The following SPAG17 variants were observed in gnomAD, a reference collection of about 807,000 sequenced individuals.
SPAG17 encodes the protein sperm associated antigen 17, also known as sperm-associated antigen 17.
A neutral mutation model predicts 273.6 loss-of-function variants in SPAG17; 169 were observed. That is an observed-to-expected ratio of 0.62 (90% CI 0.55 to 0.70). The LOEUF is 0.70. Among genes scored for constraint, SPAG17 ranks in the 30% least tolerant of loss-of-function variants. The pLI is 0.00. For synonymous variants in SPAG17, 825 were observed against 873.2 expected (o/e 0.94, Z 0.97); for missense variants, 2,557 against 2,627.8 (o/e 0.97, Z 0.59).
intron 24 of SPAG17, 154 bp downstream of exon 24, chr1:118,036,616 A>T (rs763957243): frequency 1.2e-4 from 73 of 599,030 alleles, no homozygotes; most frequent in Non-Finnish European, 2.0e-4. Flanking sequence ...ACACACACAC[A>T]CACACACACC....
chr1:118,150,733 C>A, intron 2 of SPAG17, 104 bp from the exon 3 acceptor site: 2 of 627,634 alleles, frequency 3.2e-6, no homozygotes, highest in South Asian at 4.8e-5. Flanking sequence ...GGTTGGGGAA[C>A]CTAGCAAGAA....
intron 5 of SPAG17, 134 bp downstream of exon 5, chr1:118,101,606 G>A (rs1209343641): frequency 1.2e-6 from 1 of 834,442 alleles, no homozygotes; most frequent in African/African-American, 1.7e-5. Flanking sequence ...AGTGTCTCTA[G>A]GGCAAAATGA....
chr1:117,970,912 A>C (rs753292944), intron 45 of SPAG17, among the ~76,000 whole-genome samples: 20 of 152,220 alleles, frequency 1.3e-4, no homozygotes, highest in Non-Finnish European at 2.1e-4. Context: ...ACAACCTAAA[A>C]AACAATCGTG....
At chr1:118,006,475 A>G (rs1557897179) in intron 31 of SPAG17, among the ~76,000 whole-genome samples, 1 of 152,052 alleles carries the variant, frequency 6.6e-6, no homozygotes, top group Admixed American at 6.5e-5. Context: ...GCTATATCAG[A>G]TTTTCTTTAT....
intron 1 of SPAG17, among the ~76,000 whole-genome samples, chr1:118,179,392 A>G (rs954102845): frequency 2.6e-5 from 4 of 152,100 alleles, no homozygotes; most frequent in South Asian, 2.1e-4. Flanking sequence ...ATCCATATGC[A>G]GAAGAATGAA....
intron 29 of SPAG17, 124 bp downstream of exon 29, chr1:118,015,837 CCCAT>C: frequency 8.7e-6 from 7 of 802,406 alleles, no homozygotes; most frequent in East Asian, 2.7e-5. Flanking sequence ...CATCCATCCA[CCCAT>C]CCATCCATCC....
At chr1:118,015,327 G>C (rs938445515) in intron 29 of SPAG17, among the ~76,000 whole-genome samples, 1 of 151,286 alleles carries the variant, frequency 6.6e-6, no homozygotes, top group South Asian at 2.1e-4. Flanking sequence ...TTCATTCCAG[G>C]AGTTTTGCTT....
chr1:118,051,293 G>C (rs2101978149), intron 20 of SPAG17, among the ~76,000 whole-genome samples: 1 of 152,042 alleles, frequency 6.6e-6, no homozygotes, highest in East Asian at 1.9e-4. Context: ...ACTGATGATG[G>C]GAATATAAAT....
At chr1:118,112,796 C>T (rs147673779) in intron 4 of SPAG17, among the ~76,000 whole-genome samples, 11 of 152,172 alleles carry the variant, frequency 7.2e-5, no homozygotes, top group Admixed American at 2.0e-4. Context: ...ATGAATTACC[C>T]AGCAAGCTTT....
chr1:118,041,940 C>G lies in SPAG17; in HGVS notation c.2917G>C (p.Asp973His). 6.2e-7 allele frequency: 1 copy of G among 1,613,950 alleles called. No homozygotes were observed. The highest frequency in any genetic ancestry group is 2.2e-5 in the East Asian group (1 of 44,854). ...GKEAGKKKGK[D>H]NAEKEDSRSL... ...CTACTATCCTCTTTCTCTGCGTTAT[C>G]CTTGCCTTTCTTTTTACCAGCTTCT... The change falls in exon 21 of 49, where the codon GAT (aspartate) becomes CAT (histidine). Residue 973 changes from aspartate (D) to histidine (H), a missense_variant. Transcript: ENST00000336338.
At chr1:118,179,530 G>A (rs979804524) in intron 1 of SPAG17, among the ~76,000 whole-genome samples, 3 of 152,004 alleles carry the variant, frequency 2.0e-5, no homozygotes, top group South Asian at 2.1e-4. Context: ...CATTGGTCTA[G>A]GCAAGTATTT....
chr1:118,011,456 C>T (rs1426042309), intron 30 of SPAG17, among the ~76,000 whole-genome samples: 1 of 152,092 alleles, frequency 6.6e-6, no homozygotes, highest in Admixed American at 6.6e-5. Context: ...TTACCCTTAG[C>T]AAACTAACAC....
intron 43 of SPAG17, among the ~76,000 whole-genome samples, chr1:117,979,459 G>A (rs1228000159): frequency 6.6e-6 from 1 of 151,578 alleles, no homozygotes; most frequent in African/African-American, 2.4e-5. Flanking sequence ...TTCCCTCTTC[G>A]CCCACCATAG....
chr1:117,969,437 G>A (rs1654299648), intron 46 of SPAG17, among the ~76,000 whole-genome samples: 1 of 152,084 alleles, frequency 6.6e-6, no homozygotes, highest in African/African-American at 2.4e-5. Context: ...AAATTAGCCG[G>A]ACGTGGTGGC....
At chr1:117,999,789 T>C (rs1015256882) in intron 32 of SPAG17, among the ~76,000 whole-genome samples, 2 of 152,194 alleles carry the variant, frequency 1.3e-5, no homozygotes, top group Non-Finnish European at 2.9e-5. Flanking sequence ...TTCACTCTGA[T>C]GGTAGTTTCT....
intron 32 of SPAG17, among the ~76,000 whole-genome samples, chr1:117,998,960 T>C (rs559548211): frequency 4.1e-4 from 63 of 152,268 alleles, no homozygotes; most frequent in African/African-American, 1.5e-3. Flanking sequence ...TAGGTATTTC[T>C]CCTAATGCTA....
At chr1:118,117,013 C>T (rs950805832) in intron 3 of SPAG17, among the ~76,000 whole-genome samples, 1 of 152,188 alleles carries the variant, frequency 6.6e-6, no homozygotes, top group Non-Finnish European at 1.5e-5. Context: ...GGATGGAGGT[C>T]AGGCGTTTAC....
intron 5 of SPAG17, among the ~76,000 whole-genome samples, chr1:118,101,459 A>G (rs1397725830): frequency 6.6e-6 from 1 of 152,184 alleles, no homozygotes; most frequent in Non-Finnish European, 1.5e-5. Flanking sequence ...AATTGCAAAT[A>G]GAAGTCTTTT....
intron 1 of SPAG17, among the ~76,000 whole-genome samples, chr1:118,170,012 T>G (rs779385005): frequency 6.6e-6 from 1 of 152,184 alleles, no homozygotes; most frequent in Admixed American, 6.5e-5. Context: ...CTCTGAAAAG[T>G]GAAATGGGTC....
Sources: gnomAD v4.1 joint callset for allele counts (sites outside exome capture counted in the v4.1 genomes callset) on GRCh38, gnomAD v4.1.1 for gene constraint, MANE v1.5 for transcripts, NCBI Gene and HGNC (gene_info 2026-07-23, HGNC 2026-07-21) for gene names.